The following MAPK10 variants were observed in gnomAD, a reference collection of about 807,000 sequenced individuals.
MAPK10 encodes JNK3 alpha protein kinase.
A neutral mutation model predicts 59.3 loss-of-function variants in MAPK10; 25 were observed. That is an observed-to-expected ratio of 0.42 (90% CI 0.31 to 0.59). MAPK10 has a LOEUF of 0.59. Among genes scored for constraint, MAPK10 ranks in the 20% least tolerant of loss-of-function variants. MAPK10 has a pLI of 0.15. For synonymous variants in MAPK10, 190 were observed against 200.5 expected, an observed-to-expected ratio of 0.95 and a Z score of 0.44; for missense variants, 351 against 568.9, an observed-to-expected ratio of 0.62 and a Z score of 3.90.
intron 9 of MAPK10, chr4:86,080,234 C>G (rs1016932087): frequency 1.3e-5 from 2 of 151,294 alleles, no homozygotes; most frequent in Admixed American, 6.6e-5. Flanking sequence ...ATCTAGGAAA[C>G]AATGACTCTC....
intron 2 of MAPK10, among the ~76,000 whole-genome samples, chr4:86,305,479 T>C (rs1291715945): frequency 6.6e-6 from 1 of 152,144 alleles, no homozygotes; most frequent in African/African-American, 2.4e-5. Flanking sequence ...TCCTGAAATA[T>C]AGTGGTACGG....
chr4:86,215,242 A>C (rs1322032795), intron 2 of MAPK10, among the ~76,000 whole-genome samples: 1 of 152,244 alleles, frequency 6.6e-6, no homozygotes, highest in Non-Finnish European at 1.5e-5. Flanking sequence ...TTACCTAACA[A>C]CAAATGCAAA....
At chr4:86,446,651 C>G (rs1297414490) in intron 1 of MAPK10, among the ~76,000 whole-genome samples, 4 of 152,250 alleles carry the variant, frequency 2.6e-5, no homozygotes, top group South Asian at 2.1e-4. Flanking sequence ...TATATTTATT[C>G]CCCAAAGTGG....
chr4:86,352,910 T>C (rs888612784), intron 2 of MAPK10, among the ~76,000 whole-genome samples: 1 of 152,174 alleles, frequency 6.6e-6, no homozygotes, highest in Non-Finnish European at 1.5e-5. Context: ...ATGTCTTGTA[T>C]CCCTCTTCAA....
intron 1 of MAPK10, among the ~76,000 whole-genome samples, chr4:86,590,480 T>A (rs1232777418): frequency 2.6e-5 from 4 of 152,318 alleles, no homozygotes; most frequent in African/African-American, 9.6e-5. Flanking sequence ...TGTTGGACAT[T>A]TGATTAGAAT....
chr4:86,404,514 G>A (rs943472342), intron 1 of MAPK10, among the ~76,000 whole-genome samples: 3 of 152,194 alleles, frequency 2.0e-5, no homozygotes, highest in African/African-American at 7.2e-5. Context: ...CATCCATTAA[G>A]AGTGATGCTT....
intron 2 of MAPK10, among the ~76,000 whole-genome samples, chr4:86,257,440 T>C (rs942400027): frequency 1.3e-5 from 2 of 152,234 alleles, no homozygotes; most frequent in African/African-American, 4.8e-5. Context: ...ATGTCTTAAA[T>C]GTTGCTAAAT....
At chr4:86,447,627 T>C (rs1750194995) in intron 1 of MAPK10, among the ~76,000 whole-genome samples, 1 of 152,186 alleles carries the variant, frequency 6.6e-6, no homozygotes. Flanking sequence ...AGCAACTCAG[T>C]TCCTCTCCCA....
intron 11 of MAPK10, among the ~76,000 whole-genome samples, chr4:86,034,289 T>C (rs1465886447): frequency 6.6e-6 from 1 of 152,242 alleles, no homozygotes; most frequent in Non-Finnish European, 1.5e-5. Flanking sequence ...ACTTCCTTGG[T>C]TGAAATTATT....
At position 86,167,334 on chromosome 4, in the gene MAPK10, T is replaced by C. The variant is rs7663388; in HGVS notation, c.67-7867A>G. 9.9e-5 allele frequency among the ~76,000 whole-genome samples: 15 copies of C among 152,108 alleles called. No homozygotes were observed. In the South Asian group the frequency reaches 1.0e-3, roughly 11 times the overall value. On this transcript the variant is annotated intron_variant, in intron 3 of 13. Coordinates refer to ENST00000641462, the MANE Select transcript of MAPK10 (RefSeq NM_138982.4). ...TTCCTTCTGAAACTATTCCAAACAA[T>C]TGAAAAGGAGGAACTTCCCTGTAAC...
At chr4:86,205,178 C>T (rs1474301119) in intron 2 of MAPK10, among the ~76,000 whole-genome samples, 2 of 151,640 alleles carry the variant, frequency 1.3e-5, no homozygotes, top group Non-Finnish European at 1.5e-5. Context: ...ATATTTAAAC[C>T]AAAGAGAGCT....
intron 2 of MAPK10, among the ~76,000 whole-genome samples, chr4:86,243,891 T>C (rs1039256978): frequency 4.6e-5 from 7 of 152,096 alleles, no homozygotes; most frequent in African/African-American, 1.7e-4. Context: ...AATGTAAGTT[T>C]CATGACTACA....
chr4:86,312,164 T>C (rs1187393457), intron 2 of MAPK10, among the ~76,000 whole-genome samples: 1 of 152,130 alleles, frequency 6.6e-6, no homozygotes. Flanking sequence ...ATCCTGACAC[T>C]GGTTATCCAG....
intron 2 of MAPK10, among the ~76,000 whole-genome samples, chr4:86,313,150 G>A (rs1481976687): frequency 2.0e-5 from 3 of 152,190 alleles, no homozygotes; most frequent in Middle Eastern, 3.4e-3. Flanking sequence ...AGATGCCACT[G>A]CAATGCAGTG....
At chr4:86,169,557 G>T (rs1389549991) in intron 3 of MAPK10, among the ~76,000 whole-genome samples, 1 of 152,124 alleles carries the variant, frequency 6.6e-6, no homozygotes, top group Non-Finnish European at 1.5e-5. Flanking sequence ...AGAAATATGG[G>T]ACTACGTGAA....
intron 1 of MAPK10, among the ~76,000 whole-genome samples, chr4:86,417,737 A>G (rs1042438149): frequency 4.6e-5 from 7 of 152,174 alleles, no homozygotes; most frequent in Non-Finnish European, 8.8e-5. Context: ...ATCCCACTGG[A>G]TTTCTATCAT....
intron 9 of MAPK10, among the ~76,000 whole-genome samples, chr4:86,086,410 ATTGT>A (rs1302731599): frequency 2.0e-5 from 3 of 152,180 alleles, no homozygotes; most frequent in South Asian, 4.1e-4. Context: ...GTATAATTGA[ATTGT>A]TTGTAACACA....
At chr4:86,343,704 C>A (rs1449732342) in intron 2 of MAPK10, among the ~76,000 whole-genome samples, 1 of 151,908 alleles carries the variant, frequency 6.6e-6, no homozygotes, top group Non-Finnish European at 1.5e-5. Flanking sequence ...CGTACTCTCA[C>A]AGGTATATGG....
At chr4:86,093,457 G>T (rs904079917) in intron 9 of MAPK10, among the ~76,000 whole-genome samples, 1 of 151,514 alleles carries the variant, frequency 6.6e-6, no homozygotes, top group Non-Finnish European at 1.5e-5. Flanking sequence ...AAGTTATAAA[G>T]TTAGCAGTTA....
Sources: gnomAD v4.1 joint callset for allele counts (sites outside exome capture counted in the v4.1 genomes callset) on GRCh38, gnomAD v4.1.1 for gene constraint, MANE v1.5 for transcripts, NCBI Gene and HGNC (gene_info 2026-07-23, HGNC 2026-07-21) for gene names.